TJP1: variants seen among roughly 807,000 people sequenced by gnomAD.
TJP1 encodes tight junction protein 1, also known as tight junction protein ZO-1.
In TJP1, 43 loss-of-function variants were observed where a neutral mutation model predicts 194.2. That is an observed-to-expected ratio of 0.22 (90% confidence interval 0.17 to 0.29). TJP1 has a LOEUF of 0.29. TJP1 is among the 10% of genes least tolerant of loss of function. TJP1 has a pLI of 1.00. For synonymous variants in TJP1, 801 were observed against 779.0 expected (o/e 1.03, Z -0.47); for missense variants, 1,971 against 2,185.7 (o/e 0.90, Z 1.96).
At chr15:29,950,616 G>A (rs1567229067) in intron 2 of TJP1, among the ~76,000 whole-genome samples, 1 of 152,218 alleles carries the variant, frequency 6.6e-6, no homozygotes, top group Non-Finnish European at 1.5e-5. Flanking sequence ...TGATAAGAGT[G>A]GGAGTGAGAA....
At chr15:29,727,737 T>C (rs1157137685) in intron 16 of TJP1, among the ~76,000 whole-genome samples, 200 bp downstream of exon 16, 1 of 152,228 alleles carries the variant, frequency 6.6e-6, no homozygotes. Flanking sequence ...TTTGTGGTAA[T>C]GAAAAATCAT....
intron 2 of TJP1, among the ~76,000 whole-genome samples, chr15:29,867,197 C>A (rs1028406800): frequency 6.6e-6 from 1 of 152,160 alleles, no homozygotes; most frequent in Non-Finnish European, 1.5e-5. Context: ...TTCAACCCAT[C>A]GATGTTGAGC....
chr15:29,818,537 C>G (rs1484279546), intron 1 of TJP1, among the ~76,000 whole-genome samples: 2 of 152,220 alleles, frequency 1.3e-5, no homozygotes, highest in East Asian at 3.8e-4. Context: ...CAGCGTCTCG[C>G]TCTGTCGCCC....
intron 2 of TJP1, among the ~76,000 whole-genome samples, chr15:29,880,089 G>T (rs2052870045): frequency 6.6e-6 from 1 of 151,750 alleles, no homozygotes; most frequent in South Asian, 2.1e-4. Context: ...AATATTTACT[G>T]CTTTCCTCTC....
chr15:29,900,446 T>C (rs1230306701), intron 2 of TJP1, among the ~76,000 whole-genome samples: 1 of 152,174 alleles, frequency 6.6e-6, no homozygotes, highest in Non-Finnish European at 1.5e-5. Flanking sequence ...CAGAAGCTAC[T>C]AGGAGGCTAC....
At chr15:29,931,003 C>T (rs2054691299) in intron 2 of TJP1, among the ~76,000 whole-genome samples, 1 of 152,268 alleles carries the variant, frequency 6.6e-6, no homozygotes, top group South Asian at 2.1e-4. Context: ...ACCTATAACT[C>T]CTGACTCCCC....
intron 2 of TJP1, among the ~76,000 whole-genome samples, chr15:29,857,758 T>C (rs768788646): frequency 1.3e-5 from 2 of 152,146 alleles, no homozygotes; most frequent in Non-Finnish European, 2.9e-5. Flanking sequence ...TTTTATTATA[T>C]TTAAAATGAC....
At chr15:29,873,493 C>G (rs16954782) in intron 2 of TJP1, among the ~76,000 whole-genome samples, 7,166 of 152,284 alleles carry the variant, frequency 0.047, 264 homozygotes, top group African/African-American at 0.093. Context: ...TGTGCAAGAG[C>G]AAACTGTTTC....
At position 29,880,647 on chromosome 15, in the gene TJP1, C is replaced by T. The variant is rs181995131; in HGVS notation, c.306+75585G>A. Among the ~76,000 whole-genome samples the T allele has an allele frequency of 3.9e-5, 6 of 152,288 alleles. No homozygotes were observed. The East Asian group carries it at 1.2e-3, about 29-fold the overall frequency. On this transcript the variant is annotated intron_variant, in intron 2 of 28. Transcript: ENST00000356107. ...AACCACTATTGTATTCTCTGTTCTA[C>T]GAGATTGACTATATTTATAGATATC...
At chr15:29,813,925 A>G (rs1000365389) in intron 1 of TJP1, among the ~76,000 whole-genome samples, 2 of 152,208 alleles carry the variant, frequency 1.3e-5, no homozygotes, top group African/African-American at 4.8e-5. Flanking sequence ...AAATTGTTAC[A>G]TATTTCACAG....
At chr15:29,747,192 C>T (rs2044848152) in intron 8 of TJP1, among the ~76,000 whole-genome samples, 1 of 152,010 alleles carries the variant, frequency 6.6e-6, no homozygotes, top group Admixed American at 6.6e-5. Context: ...GGTTGAGGCA[C>T]AAGAATCGCT....
At chr15:29,949,221 CTTT>C (rs1229009147) in intron 2 of TJP1, among the ~76,000 whole-genome samples, 10 of 112,848 alleles carry the variant, frequency 8.9e-5, no homozygotes, top group Admixed American at 6.8e-4. Context: ...ACCACCTCCA[CTTT>C]CACCACCACT....
At chr15:29,903,636 G>A (rs557592398) in intron 2 of TJP1, among the ~76,000 whole-genome samples, 1 of 152,214 alleles carries the variant, frequency 6.6e-6, no homozygotes, top group East Asian at 1.9e-4. Flanking sequence ...AGTAGAGACG[G>A]GGTTTCGCTG....
At chr15:29,720,295 C>A in intron 19 of TJP1, 63 bp downstream of exon 19, 1 of 1,355,804 alleles carries the variant, frequency 7.4e-7, no homozygotes, top group East Asian at 2.3e-5. Context: ...TTAACTCAAT[C>A]ACCACATTCT....
intron 2 of TJP1, among the ~76,000 whole-genome samples, chr15:29,781,170 A>T (rs1205843694): frequency 6.6e-6 from 1 of 152,178 alleles, no homozygotes; most frequent in Admixed American, 6.5e-5. Flanking sequence ...GAATACAAGT[A>T]ACCATCAGAG....
intron 2 of TJP1, among the ~76,000 whole-genome samples, chr15:29,837,655 C>T (rs911877172): frequency 6.6e-6 from 1 of 152,158 alleles, no homozygotes; most frequent in African/African-American, 2.4e-5. Flanking sequence ...ACGACTTTTA[C>T]AAAGAAAACA....
At chr15:29,931,790 AG>A (rs1271032563) in intron 2 of TJP1, among the ~76,000 whole-genome samples, 2 of 152,248 alleles carry the variant, frequency 1.3e-5, no homozygotes, top group Non-Finnish European at 2.9e-5. Context: ...AGGAAAGTAA[AG>A]GAATAAAAGA....
intron 2 of TJP1, among the ~76,000 whole-genome samples, chr15:29,832,192 A>G (rs184041080): frequency 8.7e-4 from 133 of 152,274 alleles, no homozygotes; most frequent in African/African-American, 2.9e-3. Flanking sequence ...CAGAGGCTTG[A>G]AAAGCACTAG....
chr15:29,915,078 T>C (rs2054144000), intron 2 of TJP1, among the ~76,000 whole-genome samples: 1 of 152,244 alleles, frequency 6.6e-6, no homozygotes, highest in South Asian at 2.1e-4. Flanking sequence ...CCAAATCAGG[T>C]GTGAAAGACA....
Sources: gnomAD v4.1 joint callset for allele counts (sites outside exome capture counted in the v4.1 genomes callset) on GRCh38, gnomAD v4.1.1 for gene constraint, MANE v1.5 for transcripts, NCBI Gene and HGNC (gene_info 2026-07-23, HGNC 2026-07-21) for gene names.